LRTM3: variants seen among roughly 807,000 people sequenced by gnomAD.
LRTM3 encodes leucine-rich repeat transmembrane protein 3.
At chr13:102,737,889 A>G in the LRTM3 span, 1 of 1,550,468 alleles carries the variant, frequency 6.4e-7, no homozygotes. Flanking sequence ...GAAGGCAAAT[A>G]TAGGAACAGA....
At chr13:102,735,883 C>G in the LRTM3 span, 13 of 1,539,362 alleles carry the variant, frequency 8.4e-6, no homozygotes, top group Non-Finnish European at 1.1e-5. Context: ...TCCTCGGAAC[C>G]ACTCCAGGTT....
At chr13:102,732,673 C>T in the LRTM3 span, 23 of 1,551,090 alleles carry the variant, frequency 1.5e-5, no homozygotes, top group South Asian at 1.8e-4. Context: ...ATAGAAGATG[C>T]GGGTGTGCAC....
chr13:102,740,389 C>T, the LRTM3 span: 1 of 1,550,030 alleles, frequency 6.5e-7, no homozygotes, highest in Non-Finnish European at 8.7e-7. Flanking sequence ...GTCCTGGTGT[C>T]CGGCTTGATA....
the LRTM3 span, chr13:102,735,107 G>A: frequency 6.4e-7 from 1 of 1,551,200 alleles, no homozygotes; most frequent in Non-Finnish European, 8.7e-7. Flanking sequence ...CATGACACCT[G>A]GCCCACTTTT....
chr13:102,748,853 CTTT>C, the LRTM3 span: 6 of 1,550,134 alleles, frequency 3.9e-6, no homozygotes, highest in African/African-American at 8.2e-5. Flanking sequence ...GTTTTTTAGT[CTTT>C]TGTTTTCTTT....
the LRTM3 span, among the ~76,000 whole-genome samples, chr13:102,756,428 T>A: frequency 6.6e-6 from 1 of 151,394 alleles, no homozygotes. Flanking sequence ...ATCCCAGCAC[T>A]TTGAGAGGCC....
the LRTM3 span, among the ~76,000 whole-genome samples, chr13:102,758,164 C>T: frequency 1.3e-5 from 2 of 152,328 alleles, no homozygotes; most frequent in Admixed American, 6.5e-5. Flanking sequence ...CACTTATCCT[C>T]TTCAAGCTTT....
At chr13:102,729,650 A>T in the LRTM3 span, 14 of 1,550,764 alleles carry the variant, frequency 9.0e-6, no homozygotes, top group Middle Eastern at 1.7e-4. Flanking sequence ...ACAGGCAAAA[A>T]AAAAGGGCCG....
chr13:102,742,229 C>T, the LRTM3 span: 2 of 1,550,398 alleles, frequency 1.3e-6, no homozygotes, highest in Non-Finnish European at 1.7e-6. Context: ...TTTTTTATTG[C>T]TTGCAGTACC....
chr13:102,732,139 C>T, the LRTM3 span: 4 of 1,551,320 alleles, frequency 2.6e-6, no homozygotes, highest in African/African-American at 1.4e-5. Context: ...AAGTGTCTCT[C>T]TTAGACATTT....
the LRTM3 span, chr13:102,745,405 A>T: frequency 6.4e-7 from 1 of 1,550,684 alleles, no homozygotes; most frequent in East Asian, 2.4e-5. Context: ...TGTTAATGTC[A>T]GGTGTCATAG....
At chr13:102,748,185 A>T in the LRTM3 span, 1 of 1,550,970 alleles carries the variant, frequency 6.4e-7, no homozygotes, top group Non-Finnish European at 8.7e-7. Flanking sequence ...AATGCATCAG[A>T]CGTTTCTTTA....
At chr13:102,753,981 CA>C in the LRTM3 span, among the ~76,000 whole-genome samples, 1 of 152,040 alleles carries the variant, frequency 6.6e-6, no homozygotes, top group African/African-American at 2.4e-5. Flanking sequence ...GAGGCCGAAG[CA>C]GGTGGATCAC....
chr13:102,746,234 T>A, the LRTM3 span: 4 of 1,550,754 alleles, frequency 2.6e-6, no homozygotes, highest in African/African-American at 1.4e-5. Context: ...TTCCTTCATT[T>A]GACCCGCCTC....
At chr13:102,734,150 G>A in the LRTM3 span, 1 of 1,551,438 alleles carries the variant, frequency 6.4e-7, no homozygotes, top group Non-Finnish European at 8.7e-7. Flanking sequence ...TGACATTGGT[G>A]AAATCCTTGC....
chr13:102,753,847 G>C, the LRTM3 span, among the ~76,000 whole-genome samples: 1 of 152,178 alleles, frequency 6.6e-6, no homozygotes, highest in Admixed American at 6.5e-5. Flanking sequence ...ATTAGGCTCA[G>C]TCTAATATAG....
chr13:102,740,715 C>T, the LRTM3 span: 1 of 1,548,160 alleles, frequency 6.5e-7, no homozygotes, highest in Non-Finnish European at 8.7e-7. Flanking sequence ...GAGTGAGATG[C>T]AGGCTTTGGA....
At chr13:102,736,746 T>C in the LRTM3 span, 3 of 1,550,852 alleles carry the variant, frequency 1.9e-6, no homozygotes, top group Non-Finnish European at 1.7e-6. Flanking sequence ...TTTACAGCTA[T>C]GTACTCGGGA....
chr13:102,756,673 T>TAAAAAAAAAAAAAAAA, the LRTM3 span, among the ~76,000 whole-genome samples: 6 of 67,018 alleles, frequency 9.0e-5, no homozygotes, highest in African/African-American at 3.3e-4. Context: ...AAACTCTGTC[T>TAAAAAAAAAAAAAAAA]AAAAAAAAAA....
Sources: gnomAD v4.1 joint callset for allele counts (sites outside exome capture counted in the v4.1 genomes callset) on GRCh38, gnomAD v4.1.1 for gene constraint, MANE v1.5 for transcripts, NCBI Gene and HGNC (gene_info 2026-07-23, HGNC 2026-07-21) for gene names.